Variants in DNAH5 observed in about 807,000 individuals in gnomAD.
The protein encoded by DNAH5 is dynein axonemal heavy chain 5, also known as axonemal beta dynein heavy chain 5.
DNAH5 carries 372 observed loss-of-function variants against 518.2 expected under a neutral mutation model. The ratio of observed to expected loss-of-function variants is 0.72; its 90% CI spans 0.66 to 0.78. The LOEUF (loss-of-function observed/expected upper bound fraction) is 0.78. DNAH5 is among the 30% of genes least tolerant of loss of function. DNAH5 has a pLI of 0.00. For missense variants in DNAH5, 5,523 were observed against 5,687.0 expected (o/e 0.97, Z 0.93); for synonymous variants, 2,039 against 2,025.9 (o/e 1.01, Z -0.17).
intron 35 of DNAH5, among the ~76,000 whole-genome samples, chr5:13,839,109 T>A (rs1053938598): frequency 6.6e-6 from 1 of 152,224 alleles, no homozygotes; most frequent in Non-Finnish European, 1.5e-5. Flanking sequence ...TTGCCCATTC[T>A]CTGTCCACAC....
At chr5:13,929,311 T>G (rs1322279907) in intron 2 of DNAH5, among the ~76,000 whole-genome samples, 1 of 152,136 alleles carries the variant, frequency 6.6e-6, no homozygotes, top group East Asian at 1.9e-4. Context: ...AAAAGTAGAA[T>G]GCGGGGGTTG....
chr5:13,959,104 G>A (rs1419775528), intron 1 of DNAH5, among the ~76,000 whole-genome samples: 3 of 152,104 alleles, frequency 2.0e-5, no homozygotes, highest in Non-Finnish European at 4.4e-5. Flanking sequence ...GTGCCACCAC[G>A]CCCAGCTAAT....
chr5:13,853,383 C>T (rs1325003535), intron 30 of DNAH5, among the ~76,000 whole-genome samples: 7 of 152,078 alleles, frequency 4.6e-5, no homozygotes, highest in Non-Finnish European at 8.8e-5. Context: ...ACAGCAAAGA[C>T]CAATGGTAGA....
intron 15 of DNAH5, chr5:13,898,420 G>A (rs1774175698): frequency 2.5e-6 from 1 of 397,324 alleles, no homozygotes; most frequent in Admixed American, 4.4e-5. Context: ...TAATGTGAAA[G>A]AGTCTAAAAG....
At chr5:13,753,179 A>G in intron 63 of DNAH5, 54 bp downstream of exon 63, 1 of 1,374,614 alleles carries the variant, frequency 7.3e-7, no homozygotes. Context: ...ATTTTTGTTT[A>G]TCTGAGGCAA....
chr5:13,902,809 C>T (rs1393681706), intron 12 of DNAH5, among the ~76,000 whole-genome samples: 1 of 151,104 alleles, frequency 6.6e-6, no homozygotes, highest in Non-Finnish European at 1.5e-5. Context: ...TAACCCAAGA[C>T]ATTAACATAA....
chr5:13,695,091 A>G (rs1324309864), intron 78 of DNAH5, among the ~76,000 whole-genome samples: 1 of 152,254 alleles, frequency 6.6e-6, no homozygotes, highest in Non-Finnish European at 1.5e-5. Context: ...CTTTGGAAGC[A>G]CTATGCATGT....
chr5:13,852,249 C>T (rs959427482), intron 30 of DNAH5, among the ~76,000 whole-genome samples: 2 of 152,134 alleles, frequency 1.3e-5, no homozygotes, highest in Admixed American at 6.5e-5. Flanking sequence ...CTCACTGCAA[C>T]CTCCGCCTCC....
chr5:13,770,647 A>AT, intron 56 of DNAH5, 102 bp downstream of exon 56: 1 of 892,886 alleles, frequency 1.1e-6, no homozygotes, highest in South Asian at 1.4e-5. Context: ...GCTATGATAC[A>AT]CAAAATGTCT....
intron 1 of DNAH5, among the ~76,000 whole-genome samples, chr5:13,987,878 A>G (rs538239876): frequency 2.1e-5 from 3 of 144,944 alleles, no homozygotes; most frequent in African/African-American, 7.8e-5. Flanking sequence ...TTAATCTTAA[A>G]TAAGATTATT....
intron 1 of DNAH5, among the ~76,000 whole-genome samples, chr5:13,962,010 T>C (rs922720661): frequency 9.2e-5 from 14 of 152,344 alleles, no homozygotes; most frequent in Admixed American, 6.5e-4. Context: ...TTATTATCAA[T>C]AGCTTTATTG....
At position 13,701,285 on chromosome 5, in the gene DNAH5, TG is replaced by T; in HGVS notation, c.13489del (p.Gln4497ArgfsTer3). The T allele has an allele frequency of 6.2e-7, 1 of 1,614,036 alleles. No homozygotes were observed. The highest frequency in any genetic ancestry group is 1.1e-5 in the South Asian group (1 of 91,074). ...ACGGGTGCAAATCAGAGCTCTTACC[TG>T]TCGCATTGCAGTTAAAAATCCCTGG... is the stretch of plus-strand genomic sequence containing the variant. ...NPQGFLTAMR[Q>X]EITRANKGWA... On this transcript the variant is annotated frameshift_variant and splice_region_variant, in exon 77 of 79. Coordinates refer to ENST00000265104, the MANE Select transcript of DNAH5 (RefSeq NM_001369.3). LOFTEE classifies it high-confidence loss of function.
chr5:13,759,731 G>T (rs1270057573), intron 60 of DNAH5, among the ~76,000 whole-genome samples: 1 of 152,158 alleles, frequency 6.6e-6, no homozygotes, highest in Non-Finnish European at 1.5e-5. Flanking sequence ...ATGTAAAAAA[G>T]TAGTTCATGC....
upstream of DNAH5, among the ~76,000 whole-genome samples, chr5:13,948,553 A>C (rs548931669): frequency 4.1e-4 from 63 of 152,194 alleles, no homozygotes; most frequent in Non-Finnish European, 7.8e-4. Context: ...GTAGATAGGA[A>C]AACTAGAGTG....
At chr5:13,764,365 CAA>C (rs758222251) in intron 59 of DNAH5, among the ~76,000 whole-genome samples, 26 of 152,056 alleles carry the variant, frequency 1.7e-4, no homozygotes, top group Non-Finnish European at 2.9e-4. Flanking sequence ...ATATAAATGA[CAA>C]ATTAGTCATA....
chr5:13,997,505 C>T (rs1352371157), intron 1 of DNAH5, among the ~76,000 whole-genome samples: 2 of 152,192 alleles, frequency 1.3e-5, no homozygotes, highest in Admixed American at 1.3e-4. Flanking sequence ...CAAATCTCTA[C>T]CCCTGAGCTA....
intron 52 of DNAH5, 34 bp downstream of exon 52, chr5:13,786,145 C>T (rs757483657): frequency 1.2e-6 from 2 of 1,610,546 alleles, no homozygotes; most frequent in Non-Finnish European, 8.5e-7. Flanking sequence ...TGTCTGTCAC[C>T]TCCACAAGGC....
intron 38 of DNAH5, among the ~76,000 whole-genome samples, chr5:13,829,098 G>A (rs951163590): frequency 2.7e-4 from 41 of 152,128 alleles, no homozygotes; most frequent in African/African-American, 9.4e-4. Flanking sequence ...CAAGAAGGCT[G>A]CAACATATAA....
chr5:13,789,542 G>A (rs190275747), intron 50 of DNAH5, among the ~76,000 whole-genome samples: 2 of 152,224 alleles, frequency 1.3e-5, no homozygotes, highest in East Asian at 3.9e-4. Flanking sequence ...AAAGACTGGT[G>A]GAAATTTCTT....
Sources: gnomAD v4.1 joint callset for allele counts (sites outside exome capture counted in the v4.1 genomes callset) on GRCh38, gnomAD v4.1.1 for gene constraint, MANE v1.5 for transcripts, NCBI Gene and HGNC (gene_info 2026-07-23, HGNC 2026-07-21) for gene names.